Variants in BRD1 observed in about 807,000 individuals in gnomAD.
BRD1 encodes bromodomain-containing protein 1.
A neutral mutation model predicts 107.7 loss-of-function variants in BRD1; 24 were observed. The observed-to-expected ratio is 0.22, with a 90% CI of 0.16 to 0.31. The LOEUF is 0.31. Ranked by LOEUF, BRD1 falls within the 10% of genes least tolerant of loss-of-function variation. The probability of loss-of-function intolerance (pLI) is 1.00; values close to 1 mark genes in which losing one functional copy is unlikely to be tolerated. For missense variants in BRD1, 1,279 were observed against 1,638.6 expected (o/e 0.78, Z 3.79); for synonymous variants, 744 against 686.1 (o/e 1.08, Z -1.32).
At position 49,776,123 on chromosome 22, in the gene BRD1, G is replaced by A; in HGVS notation, c.3158C>T (p.Ala1053Val). The change falls in exon 11 of 13, where the codon GCC (alanine) becomes GTC (valine). Residue 1053 changes from alanine (A) to valine (V), a missense_variant. Ala to Val is a moderately conservative substitution (Grantham distance 64). Coordinates refer to ENST00000404760, the MANE Select transcript of BRD1 (RefSeq NM_001304808.3). ...CAGAGGCTCCAGCACCGAGGCGGCG[G>A]CATCAGTGGAGATCCACATGCTGCT... ...GQSSMWISTD[A>V]AASVLEPLKV... The A allele has an allele frequency of 2.5e-6, 4 of 1,606,618 alleles. No homozygotes were observed. Among genetic ancestry groups the A allele is most frequent in the Non-Finnish European group, 3.4e-6 (4 of 1,179,772 alleles).
intron 1 of BRD1, chr22:49,826,330 A>C: frequency 4.0e-5 from 36 of 893,232 alleles, no homozygotes; most frequent in Non-Finnish European, 4.8e-5. Context: ...CCATACCCTC[A>C]ACATGCAACT....
At chr22:49,789,167 C>T (rs778577465) in intron 7 of BRD1, among the ~76,000 whole-genome samples, 5 of 152,190 alleles carry the variant, frequency 3.3e-5, no homozygotes, top group African/African-American at 1.2e-4. Flanking sequence ...CCGTGTCAGC[C>T]GCAGGGAGCA....
At position 49,824,309 on chromosome 22, in the gene BRD1, C is replaced by T; in HGVS notation, c.9G>A (p.Arg3=). 1 of 1,612,044 alleles carries T rather than the reference C, an allele frequency of 6.2e-7. No individual in the cohort carries two copies. Among genetic ancestry groups the T allele is most frequent in the East Asian group, 2.2e-5 (1 of 44,824 alleles). ...CAGAGCCTCGATGACATCGTCCTTTCCTCCTCATTTGGTAATGATTACCTA... is the reference window on the plus strand; with the variant it reads ...CAGAGCCTCGATGACATCGTCCTTTTCTCCTCATTTGGTAATGATTACCTA... The part of the protein sequence containing the change: MR[R]KGRCHRGSAA... The change falls in exon 2 of 13, where the codon AGG becomes AGA. Residue 3 remains arginine, a synonymous_variant. Coordinates refer to ENST00000404760, the MANE Select transcript of BRD1 (RefSeq NM_001304808.3). This position sits in a 1 kb window ranked among gnomAD's most constrained non-coding sequence, Gnocchi z 5.9.
chr22:49,804,155 G>C, intron 3 of BRD1, 49 bp downstream of exon 3: 1 of 1,500,192 alleles, frequency 6.7e-7, no homozygotes, highest in Non-Finnish European at 8.9e-7. Context: ...CTCCCTGGAG[G>C]GTGGGGGTGA....
intron 2 of BRD1, among the ~76,000 whole-genome samples, chr22:49,820,511 C>CT (rs2060045444): frequency 6.6e-6 from 1 of 152,182 alleles, no homozygotes; most frequent in African/African-American, 2.4e-5. Context: ...GAGGCTGAGG[C>CT]GGGAAGATCG....
chr22:49,823,353 C>T lies in BRD1; in HGVS notation c.965G>A (p.Arg322Gln). 1 of 1,614,104 alleles carries T rather than the reference C, an allele frequency of 6.2e-7. No homozygotes were observed. Among genetic ancestry groups the T allele is most frequent in the Non-Finnish European group, 8.5e-7 (1 of 1,180,034 alleles). The stretch of plus-strand genomic sequence containing the variant: ...ACAGAGGTAGCATGTCAGTTTCCAC[C>T]GGGCTGGAGGGATGTTCCTCACCCC... Reference protein sequence around the residue: ...IDGVRNIPPARWKLTCYLCKQ... With the variant: ...IDGVRNIPPAQWKLTCYLCKQ... The change falls in exon 2 of 13, where the codon CGG becomes CAG. Residue 322 changes from arginine to glutamine, a missense_variant. Physicochemically the swap from Arg to Gln is conservative, Grantham distance 43. Around this residue, in one of 7 missense-constraint regions of BRD1, gnomAD observed 158 missense variants for 310.2 expected, o/e 0.51. Coordinates refer to ENST00000404760, the MANE Select transcript of BRD1 (RefSeq NM_001304808.3).
Position 49,823,211 on chromosome 22 carries a change from T to C in BRD1, c.1107A>G (p.Glu369=), listed in dbSNP as rs1267347434. Residue 369 remains glutamate (E), a synonymous_variant, in exon 2 of 13, where the codon GAA becomes GAG. Transcript: ENST00000404760. ...AGAAGGTGGTGCCACCGCCAGTCAG[T>C]TCCTTCACGGGCTCCATTTTCATGT... The part of the protein sequence containing the change: ...GLYMKMEPVK[E]LTGGGTTFSV... 1.2e-6 allele frequency: 2 copies of C among 1,614,182 alleles called. No individual in the cohort carries two copies. Among genetic ancestry groups the C allele is most frequent in the South Asian group, 1.1e-5 (1 of 91,084 alleles).
Position 49,824,425 on chromosome 22 carries a change from A to G in BRD1, c.-14-94T>C. Reference sequence around the variant, plus strand: ...CATGCTTGGACAGATCTAGCTCAGCAGCTCAAAGCCCAATCAAAGCAAAAC... The same window carrying G: ...CATGCTTGGACAGATCTAGCTCAGCGGCTCAAAGCCCAATCAAAGCAAAAC... On this transcript the variant is annotated intron_variant, in intron 1 of 12. Coordinates refer to ENST00000404760, the MANE Select transcript of BRD1 (RefSeq NM_001304808.3). This position sits in a 1 kb window ranked among gnomAD's most constrained non-coding sequence, Gnocchi z 5.9. 1.3e-6 allele frequency: 2 copies of G among 1,507,288 alleles called. No individual in the cohort carries two copies. Among genetic ancestry groups the G allele is most frequent in the Non-Finnish European group, 1.8e-6 (2 of 1,135,634 alleles). The allele number at this position is 1,507,288 out of a possible 1,614,324, so 93.4% of individuals were successfully genotyped here.
At position 49,792,238 on chromosome 22, in the gene BRD1, C is replaced by T. The variant is rs566381950; in HGVS notation, c.2359+1796G>A. On this transcript the variant is annotated intron_variant, in intron 7 of 12. Coordinates refer to ENST00000404760, the MANE Select transcript of BRD1 (RefSeq NM_001304808.3). This position sits in a 1 kb window ranked among gnomAD's most constrained non-coding sequence, Gnocchi z 4.2. Reference sequence around the variant, plus strand: ...ACAGTGAAAATGGTACAACTGTGTGCGAAGAGAAGCGCTGGAAGCTATTTT... The same window carrying T: ...ACAGTGAAAATGGTACAACTGTGTGTGAAGAGAAGCGCTGGAAGCTATTTT... Among the ~76,000 whole-genome samples the T allele has an allele frequency of 4.6e-5, 7 of 152,092 alleles. No individual in the cohort carries two copies. The highest frequency in any genetic ancestry group is 2.1e-4 in the South Asian group (1 of 4,826).
intron 2 of BRD1, chr22:49,818,329 T>C (rs1413776581): frequency 7.8e-7 from 1 of 1,274,894 alleles, no homozygotes; most frequent in East Asian, 5.6e-5. Flanking sequence ...ACAGGCCGTC[T>C]GCCTGCTGAT....
At chr22:49,804,433 A>G (rs2059702553) in intron 2 of BRD1, 73 bp from the exon 3 acceptor site, 1 of 1,478,058 alleles carries the variant, frequency 6.8e-7, no homozygotes, top group Non-Finnish European at 9.1e-7. Flanking sequence ...TAGAAATGAC[A>G]GTACTACTGC....
intron 7 of BRD1, among the ~76,000 whole-genome samples, chr22:49,788,392 G>C (rs77795636): frequency 0.083 from 12,698 of 152,072 alleles, 638 homozygotes; most frequent in South Asian, 0.16. Flanking sequence ...ACAGGGAGTG[G>C]TGAGTGGCTG....
chr22:49,824,548 C>G lies in BRD1; in HGVS notation c.-14-217G>C, dbSNP rs2060125859. 7.2e-7 allele frequency: 1 copy of G among 1,381,574 alleles called. No homozygotes were observed. Among genetic ancestry groups the G allele is most frequent in the Non-Finnish European group, 9.4e-7 (1 of 1,067,994 alleles). The allele number at this position is 1,381,574 out of a possible 1,614,324, so 85.6% of individuals were successfully genotyped here. A position where few individuals can be genotyped will look rare whatever the true frequency, so the allele number is the denominator to read the frequency against. On this transcript the variant is annotated intron_variant, in intron 1 of 12. Transcript: ENST00000404760. This position sits in a 1 kb window ranked among gnomAD's most constrained non-coding sequence, Gnocchi z 5.9. The stretch of plus-strand genomic sequence containing the variant: ...GGAGCAGCAGTAACAGGCAGAGAGG[C>G]AGCCTGAGGAGCCCTCCTGAGCACC...
chr22:49,822,857 G>C, intron 2 of BRD1, 94 bp downstream of exon 2: 1 of 1,436,388 alleles, frequency 7.0e-7, no homozygotes, highest in South Asian at 1.3e-5. Context: ...GAAACGCAAT[G>C]ACCACACAGC....
At chr22:49,793,076 T>A (rs540749961) in intron 7 of BRD1, among the ~76,000 whole-genome samples, 1 of 152,226 alleles carries the variant, frequency 6.6e-6, no homozygotes, top group Non-Finnish European at 1.5e-5. Context: ...GCAAGAAGGC[T>A]GAGAACCAGC....
chr22:49,824,403 G>C lies in BRD1; in HGVS notation c.-14-72C>G. ...AGACTCGAGAAAACCACAAAAGCAT[G>C]CTTGGACAGATCTAGCTCAGCAGCT... On this transcript the variant is annotated intron_variant, in intron 1 of 12. Coordinates refer to ENST00000404760, the MANE Select transcript of BRD1 (RefSeq NM_001304808.3). The surrounding 1 kb of genome is among the most constrained non-coding windows in gnomAD (Gnocchi z 5.9). The C allele has an allele frequency of 1.3e-6, 2 of 1,558,048 alleles. No individual in the cohort carries two copies. Among genetic ancestry groups the C allele is most frequent in the East Asian group, 2.3e-5 (1 of 44,418 alleles).
In BRD1 at chr22:49,824,175, A is replaced by G; in HGVS notation, c.143T>C (p.Leu48Ser). Reference protein sequence around the residue: ...RMVEIEIEGRLHRISIFDPLE... With the variant: ...RMVEIEIEGRSHRISIFDPLE... ...GGGATCAAAAATACTGATCCTGTGC[A>G]AGCGCCCTTCAATTTCTATCTCTAC... is the stretch of plus-strand genomic sequence containing the variant. The change falls in exon 2 of 13, where the codon TTG (leucine) becomes TCG (serine). Residue 48 changes from leucine to serine, a missense_variant. Physicochemically the swap from Leu to Ser is moderately radical, Grantham distance 145. This residue lies in a region of BRD1 where 223 missense variants were observed against 263.5 expected (regional missense o/e 0.85). Coordinates refer to ENST00000404760, the MANE Select transcript of BRD1 (RefSeq NM_001304808.3). The surrounding 1 kb of genome is among the most constrained non-coding windows in gnomAD (Gnocchi z 5.9). 6.2e-7 allele frequency: 1 copy of G among 1,613,984 alleles called. No homozygotes were observed. Among genetic ancestry groups the G allele is most frequent in the Non-Finnish European group, 8.5e-7 (1 of 1,180,028 alleles).
intron 2 of BRD1, among the ~76,000 whole-genome samples, chr22:49,805,064 G>T (rs1194555462): frequency 6.6e-6 from 1 of 152,176 alleles, no homozygotes; most frequent in East Asian, 1.9e-4. Context: ...CATGGGAGAG[G>T]TGGGCACTGG....
chr22:49,804,458 G>A, intron 2 of BRD1, 98 bp from the exon 3 acceptor site: 3 of 1,376,390 alleles, frequency 2.2e-6, no homozygotes, highest in Non-Finnish European at 2.9e-6. Flanking sequence ...AAAACCATGT[G>A]TTCATACTTT....
Sources: allele counts gnomAD v4.1 joint callset (sites outside exome capture counted in the v4.1 genomes callset), GRCh38; gene constraint gnomAD v4.1.1; regional missense constraint gnomAD v4.1.1; non-coding constraint Gnocchi (gnomAD v3.1); transcripts MANE v1.5; gene names NCBI Gene and HGNC (gene_info 2026-07-23, HGNC 2026-07-21).